CTNNA2: variants seen among roughly 807,000 people sequenced by gnomAD.
CTNNA2 encodes the protein catenin alpha 2.
CTNNA2 carries 42 observed loss-of-function variants against 101.0 expected under a neutral mutation model. The observed-to-expected ratio is 0.42, with a 90% CI of 0.32 to 0.54. The LOEUF is 0.54. Ranked by LOEUF, CTNNA2 falls within the 20% of genes least tolerant of loss-of-function variation. CTNNA2 has a pLI of 0.14. For synonymous variants in CTNNA2, 450 were observed against 456.4 expected, an observed-to-expected ratio of 0.99 and a Z score of 0.18; for missense variants, 871 against 1,223.1, an observed-to-expected ratio of 0.71 and a Z score of 4.29.
At chr2:79,227,228 A>T (rs1674428088) in intron 2 of CTNNA2, among the ~76,000 whole-genome samples, 1 of 152,196 alleles carries the variant, frequency 6.6e-6, no homozygotes, top group South Asian at 2.1e-4. Flanking sequence ...CAGACAGGAC[A>T]AACGAGTTTT....
rs1376086904 is a variant in CTNNA2, at chr2:80,566,086, A to G, written c.1742-8077A>G. Among the ~76,000 whole-genome samples, 7 of 152,246 alleles carry G rather than the reference A, an allele frequency of 4.6e-5. No individual in the cohort carries two copies. The East Asian group carries it at 1.4e-3, about 29-fold the overall frequency. On this transcript the variant is annotated intron_variant, in intron 12 of 18. Transcript: ENST00000402739. ...CAATATTTTTACTTAGGGCATAGCTATTTTTACTGATAGTTTTACTTATGG... is the reference window on the plus strand; with the variant it reads ...CAATATTTTTACTTAGGGCATAGCTGTTTTTACTGATAGTTTTACTTATGG...
intron 1 of CTNNA2, among the ~76,000 whole-genome samples, chr2:79,535,858 T>A (rs1673023853): frequency 6.6e-6 from 1 of 152,132 alleles, no homozygotes; most frequent in African/African-American, 2.4e-5. Context: ...TTGTCAGCTC[T>A]GTTGAAGAGT....
At chr2:79,435,252 G>A (rs1436329881) in intron 4 of CTNNA2, among the ~76,000 whole-genome samples, 1 of 152,102 alleles carries the variant, frequency 6.6e-6, no homozygotes, top group Non-Finnish European at 1.5e-5. Flanking sequence ...CATTCCTTTT[G>A]TTTTCCTCAC....
At chr2:80,068,835 C>T (rs1223647474) in intron 7 of CTNNA2, among the ~76,000 whole-genome samples, 1 of 152,148 alleles carries the variant, frequency 6.6e-6, no homozygotes, top group African/African-American at 2.4e-5. Flanking sequence ...TGTTCTTATA[C>T]CCCTGACTAG....
chr2:80,241,740 T>C (rs1241955688), intron 7 of CTNNA2, among the ~76,000 whole-genome samples: 3 of 152,212 alleles, frequency 2.0e-5, no homozygotes, highest in African/African-American at 7.2e-5. Context: ...TCTGATTATA[T>C]GGCAGTTGGA....
chr2:79,748,644 T>G (rs78066873), intron 3 of CTNNA2, among the ~76,000 whole-genome samples: 8,586 of 152,180 alleles, frequency 0.056, 323 homozygotes, highest in Non-Finnish European at 0.077. Flanking sequence ...TTCATTATAA[T>G]TACCCCATCT....
intron 3 of CTNNA2, among the ~76,000 whole-genome samples, chr2:79,331,253 G>T (rs1475185642): frequency 3.9e-5 from 6 of 152,044 alleles, no homozygotes; most frequent in Non-Finnish European, 7.4e-5. Context: ...TTACCTAGAA[G>T]TGCCTGAGAA....
intron 7 of CTNNA2, among the ~76,000 whole-genome samples, chr2:80,363,882 A>G (rs1366230943): frequency 1.3e-5 from 2 of 152,138 alleles, no homozygotes; most frequent in Admixed American, 6.6e-5. Flanking sequence ...TCCCAATACC[A>G]TTAATTAAGT....
chr2:79,291,792 T>C (rs1221986994), intron 2 of CTNNA2, among the ~76,000 whole-genome samples: 3 of 152,212 alleles, frequency 2.0e-5, no homozygotes, highest in Non-Finnish European at 2.9e-5. Context: ...ATCTGGCTGG[T>C]TCATGTGTCA....
intron 2 of CTNNA2, among the ~76,000 whole-genome samples, chr2:79,235,991 T>A (rs2104246648): frequency 6.6e-6 from 1 of 152,296 alleles, no homozygotes; most frequent in East Asian, 1.9e-4. Context: ...CTAGCAGGTG[T>A]GGCCTGCCTG....
intron 7 of CTNNA2, among the ~76,000 whole-genome samples, chr2:80,031,434 T>C (rs11689341): frequency 0.31 from 47,324 of 152,108 alleles, 8,961 homozygotes; most frequent in Non-Finnish European, 0.42. Flanking sequence ...ACGTCTTACA[T>C]TGATGGCAGC....
intron 6 of CTNNA2, among the ~76,000 whole-genome samples, chr2:79,900,563 A>G (rs1685005404): frequency 6.6e-6 from 1 of 152,128 alleles, no homozygotes; most frequent in Non-Finnish European, 1.5e-5. Context: ...CACCTGACCT[A>G]TGGCATCGGT....
intron 4 of CTNNA2, among the ~76,000 whole-genome samples, chr2:79,388,025 G>C (rs565904319): frequency 6.6e-6 from 1 of 152,204 alleles, no homozygotes; most frequent in East Asian, 1.9e-4. Flanking sequence ...CTGTATTAAG[G>C]GGAGAATAAA....
rs143949079 is a variant in CTNNA2 at position 79,742,109 on chromosome 2, C to G, written c.103-2278C>G. Among the ~76,000 whole-genome samples, 99 of 152,248 alleles carry G rather than the reference C, an allele frequency of 6.5e-4. No individual in the cohort carries two copies. In the East Asian group the frequency reaches 0.017, roughly 26 times the overall value. ...TAATGTTCCATGTTTTTCTTCCCCC[C>G]CACAAAACTGACATTTTCTACTGGC... On this transcript the variant is annotated intron_variant, in intron 2 of 18. Coordinates refer to ENST00000402739, the MANE Select transcript of CTNNA2 (RefSeq NM_001282597.3).
intron 17 of CTNNA2, among the ~76,000 whole-genome samples, chr2:80,609,936 A>G (rs1195168857): frequency 6.6e-6 from 1 of 151,692 alleles, no homozygotes; most frequent in Non-Finnish European, 1.5e-5. Flanking sequence ...AGTCCAAACC[A>G]TCACTGGCTT....
chr2:80,074,122 AAAT>A (rs1160152070), intron 7 of CTNNA2, among the ~76,000 whole-genome samples: 1 of 152,168 alleles, frequency 6.6e-6, no homozygotes, highest in Non-Finnish European at 1.5e-5. Flanking sequence ...TCAAATTCTA[AAAT>A]ATTTAATTAT....
chr2:79,454,665 G>T (rs1166738655), intron 4 of CTNNA2, among the ~76,000 whole-genome samples: 2 of 152,004 alleles, frequency 1.3e-5, no homozygotes, highest in Non-Finnish European at 2.9e-5. Context: ...AAATTTTTTG[G>T]AGGTTAAATG....
At chr2:80,281,294 G>A (rs1019313410) in intron 7 of CTNNA2, among the ~76,000 whole-genome samples, 7 of 152,078 alleles carry the variant, frequency 4.6e-5, no homozygotes, top group East Asian at 1.9e-4. Context: ...AGCCTGTGGC[G>A]TGCAGAAGTG....
chr2:80,069,922 C>T (rs945070440), intron 7 of CTNNA2, among the ~76,000 whole-genome samples: 9 of 152,164 alleles, frequency 5.9e-5, no homozygotes, highest in African/African-American at 1.2e-4. Flanking sequence ...CTGGGCTATT[C>T]GTACTTCTGT....
Sources: gnomAD v4.1 joint callset for allele counts (sites outside exome capture counted in the v4.1 genomes callset) on GRCh38, gnomAD v4.1.1 for gene constraint, MANE v1.5 for transcripts, NCBI Gene and HGNC (gene_info 2026-07-23, HGNC 2026-07-21) for gene names.